The following KIAA1328 variants were observed in gnomAD, a reference collection of about 807,000 sequenced individuals.
The protein encoded by KIAA1328 is protein hinderin.
In KIAA1328, 52 loss-of-function variants were observed where a neutral mutation model predicts 68.1. That is an observed-to-expected ratio of 0.76 (90% CI 0.61 to 0.96). The LOEUF is 0.96. KIAA1328 is among the 40% of genes least tolerant of loss of function. The probability of loss-of-function intolerance (pLI) is 0.00; values close to 1 mark genes in which losing one functional copy is unlikely to be tolerated. For synonymous variants in KIAA1328, 232 were observed against 239.4 expected (o/e 0.97, Z 0.28); for missense variants, 641 against 677.6 (o/e 0.95, Z 0.60).
At chr18:37,203,268 C>G (rs1246887416) in intron 9 of KIAA1328, among the ~76,000 whole-genome samples, 1 of 151,930 alleles carries the variant, frequency 6.6e-6, no homozygotes, top group Non-Finnish European at 1.5e-5. Context: ...TTTTCATAAA[C>G]CTTTTATAGT....
chr18:37,105,559 T>G (rs2057747713), intron 7 of KIAA1328, among the ~76,000 whole-genome samples: 1 of 149,048 alleles, frequency 6.7e-6, no homozygotes, highest in South Asian at 2.1e-4. Context: ...ATTAATTGAA[T>G]GTTACATAAC....
intron 6 of KIAA1328, among the ~76,000 whole-genome samples, chr18:37,002,899 G>A (rs2053642339): frequency 6.6e-6 from 1 of 152,030 alleles, no homozygotes; most frequent in African/African-American, 2.4e-5. Context: ...TGAGCAAAAA[G>A]AGCAAAGAGG....
intron 7 of KIAA1328, among the ~76,000 whole-genome samples, chr18:37,118,415 C>T (rs565244877): frequency 1.3e-5 from 2 of 152,176 alleles, no homozygotes; most frequent in South Asian, 2.1e-4. Flanking sequence ...GGGGCTGGGT[C>T]GTTCATAGTC....
intron 7 of KIAA1328, among the ~76,000 whole-genome samples, chr18:37,143,065 G>A (rs774510840): frequency 1.3e-5 from 2 of 150,822 alleles, no homozygotes; most frequent in South Asian, 2.1e-4. Flanking sequence ...AGCAATTCTC[G>A]TGCCTCATCC....
chr18:37,176,046 A>G (rs972651648), intron 9 of KIAA1328, among the ~76,000 whole-genome samples: 1 of 152,168 alleles, frequency 6.6e-6, no homozygotes, highest in African/African-American at 2.4e-5. Flanking sequence ...CTGGCTGTCA[A>G]TATTATGTAA....
chr18:36,881,270 CAG>C (rs1250028804), intron 4 of KIAA1328, among the ~76,000 whole-genome samples: 1 of 151,560 alleles, frequency 6.6e-6, no homozygotes, highest in Non-Finnish European at 1.5e-5. Context: ...GTTTTTAAAA[CAG>C]TGTGTACTTT....
chr18:37,073,849 G>T (rs771286666), intron 7 of KIAA1328, among the ~76,000 whole-genome samples: 1 of 152,042 alleles, frequency 6.6e-6, no homozygotes, highest in Non-Finnish European at 1.5e-5. Context: ...TAATACCAAC[G>T]TTTATGTGAT....
intron 3 of KIAA1328, among the ~76,000 whole-genome samples, chr18:36,842,262 T>G (rs2046883803): frequency 6.6e-6 from 1 of 152,144 alleles, no homozygotes; most frequent in African/African-American, 2.4e-5. Flanking sequence ...CGGCTGGTAC[T>G]GCCATTTCTG....
At chr18:36,841,657 A>G (rs2046862715) in intron 3 of KIAA1328, among the ~76,000 whole-genome samples, 2 of 152,154 alleles carry the variant, frequency 1.3e-5, no homozygotes, top group Admixed American at 6.5e-5. Flanking sequence ...ATCTGTCTCA[A>G]CAACTCAACT....
intron 9 of KIAA1328, among the ~76,000 whole-genome samples, chr18:37,186,459 C>G (rs150489735): frequency 4.1e-5 from 6 of 146,636 alleles, no homozygotes; most frequent in African/African-American, 1.5e-4. Flanking sequence ...CCCAGCTACT[C>G]GGGAGGCTGA....
intron 5 of KIAA1328, among the ~76,000 whole-genome samples, chr18:36,923,222 T>C (rs1215792800): frequency 2.0e-5 from 3 of 151,982 alleles, no homozygotes; most frequent in Non-Finnish European, 4.4e-5. Flanking sequence ...AGAAGAAAGG[T>C]CCCAAATCAG....
At chr18:36,952,808 G>A (rs1434448869) in intron 5 of KIAA1328, among the ~76,000 whole-genome samples, 1 of 152,064 alleles carries the variant, frequency 6.6e-6, no homozygotes, top group Non-Finnish European at 1.5e-5. Context: ...TATATGATCA[G>A]ATCATAGTAA....
At chr18:36,881,625 C>G (rs2048331491) in intron 4 of KIAA1328, among the ~76,000 whole-genome samples, 1 of 152,208 alleles carries the variant, frequency 6.6e-6, no homozygotes, top group South Asian at 2.1e-4. Context: ...ACCAATCCTT[C>G]CTAGCCCCAG....
intron 7 of KIAA1328, among the ~76,000 whole-genome samples, chr18:37,140,021 A>T (rs2058733749): frequency 6.6e-6 from 1 of 152,156 alleles, no homozygotes; most frequent in Admixed American, 6.5e-5. Flanking sequence ...TATGGAGATG[A>T]TAGTCCTTTT....
At chr18:37,095,126 C>A (rs1020819877) in intron 7 of KIAA1328, among the ~76,000 whole-genome samples, 1 of 152,100 alleles carries the variant, frequency 6.6e-6, no homozygotes, top group Admixed American at 6.6e-5. Context: ...GCCCTAAATA[C>A]AACAATAGTT....
At chr18:36,884,593 C>G (rs143724995) in intron 4 of KIAA1328, among the ~76,000 whole-genome samples, 8 of 152,114 alleles carry the variant, frequency 5.3e-5, no homozygotes, top group Admixed American at 1.3e-4. Context: ...AGAAATTGCT[C>G]TAGTAGAGTA....
At chr18:36,963,785 G>A (rs1054898647) in intron 6 of KIAA1328, among the ~76,000 whole-genome samples, 20 of 152,080 alleles carry the variant, frequency 1.3e-4, no homozygotes, top group African/African-American at 1.7e-4. Context: ...TTTTGTAATC[G>A]TTGTTATATC....
chr18:37,020,350 T>G (rs1174893024), intron 6 of KIAA1328, among the ~76,000 whole-genome samples: 1 of 152,198 alleles, frequency 6.6e-6, no homozygotes, highest in Non-Finnish European at 1.5e-5. Flanking sequence ...CTTGAACTCT[T>G]GACCTCAGGT....
chr18:37,172,392 C>T (rs1444012635), intron 8 of KIAA1328, among the ~76,000 whole-genome samples: 1 of 152,120 alleles, frequency 6.6e-6, no homozygotes, highest in Non-Finnish European at 1.5e-5. Context: ...CTAAACATTG[C>T]TTGTTGGAAA....
Sources: gnomAD v4.1 joint callset for allele counts (sites outside exome capture counted in the v4.1 genomes callset) on GRCh38, gnomAD v4.1.1 for gene constraint, MANE v1.5 for transcripts, NCBI Gene and HGNC (gene_info 2026-07-23, HGNC 2026-07-21) for gene names.